GRIK1: variants seen among roughly 807,000 people sequenced by gnomAD.
The protein encoded by GRIK1 is glutamate receptor ionotropic, kainate 1.
In GRIK1, 69 loss-of-function variants were observed where a neutral mutation model predicts 105.7. The ratio of observed to expected loss-of-function variants is 0.65; its 90% confidence interval spans 0.54 to 0.80. The LOEUF (loss-of-function observed/expected upper bound fraction) is 0.80, where lower values mean the gene tolerates loss of function less well. GRIK1 is among the 30% of genes least tolerant of loss of function. The probability of loss-of-function intolerance (pLI) is 0.00; values close to 1 mark genes in which losing one functional copy is unlikely to be tolerated. For missense variants in GRIK1, 1,109 were observed against 1,167.3 expected (o/e 0.95, Z 0.73); for synonymous variants, 438 against 431.3 (o/e 1.02, Z -0.19).
intron 1 of GRIK1, among the ~76,000 whole-genome samples, chr21:29,750,478 A>G (rs2065166114): frequency 6.6e-6 from 1 of 152,124 alleles, no homozygotes; most frequent in South Asian, 2.1e-4. Context: ...TGGAACTACA[A>G]AGATTTGAGA....
chr21:29,863,636 T>C lies in GRIK1; in HGVS notation c.118+75747A>G, dbSNP rs146475809. Among the ~76,000 whole-genome samples, 87 of 152,340 alleles carry C rather than the reference T, an allele frequency of 5.7e-4. 2 individuals carry two copies. In the East Asian group the frequency reaches 0.016, roughly 27 times the overall value. ...ACTTAGAAACCACGGACCTGCTTTT[T>C]CTTGTACTCCTGTCATTCTTCCAAT... On this transcript the variant is annotated intron_variant, in intron 1 of 17. Transcript: ENST00000327783.
chr21:29,778,624 A>G (rs2066008415), intron 1 of GRIK1, among the ~76,000 whole-genome samples: 1 of 152,214 alleles, frequency 6.6e-6, no homozygotes, highest in Admixed American at 6.5e-5. Flanking sequence ...ATGTTTTAAT[A>G]GGGTTTTACT....
chr21:29,887,707 C>A (rs2069686802), intron 1 of GRIK1, among the ~76,000 whole-genome samples: 1 of 152,092 alleles, frequency 6.6e-6, no homozygotes, highest in Non-Finnish European at 1.5e-5. Context: ...TTCCCTCTTC[C>A]TTCCTCAGTG....
At chr21:29,771,191 C>A (rs396331) in intron 1 of GRIK1, among the ~76,000 whole-genome samples, 98,792 of 151,958 alleles carry the variant, frequency 0.65, 33,746 homozygotes, top group Non-Finnish European at 0.74. Context: ...AATGAAAAAC[C>A]ATGTCAACAT....
At chr21:29,725,147 G>A (rs1335725851) in intron 1 of GRIK1, among the ~76,000 whole-genome samples, 1 of 152,084 alleles carries the variant, frequency 6.6e-6, no homozygotes, top group African/African-American at 2.4e-5. Flanking sequence ...AACTGCAAGC[G>A]ATTGCGAACA....
intron 1 of GRIK1, among the ~76,000 whole-genome samples, chr21:29,731,565 T>G (rs1046744113): frequency 6.6e-6 from 1 of 152,178 alleles, no homozygotes; most frequent in African/African-American, 2.4e-5. Flanking sequence ...GGCACAACAG[T>G]TTTGGCACCC....
At chr21:29,720,228 A>ATTATT (rs1158564350) in intron 1 of GRIK1, among the ~76,000 whole-genome samples, 1 of 152,206 alleles carries the variant, frequency 6.6e-6, no homozygotes, top group South Asian at 2.1e-4. Flanking sequence ...TTCTCAGATT[A>ATTATT]TTATTTTATT....
At chr21:29,825,314 T>G (rs1234114420) in intron 1 of GRIK1, among the ~76,000 whole-genome samples, 1 of 152,022 alleles carries the variant, frequency 6.6e-6, no homozygotes, top group South Asian at 2.1e-4. Context: ...CATTATGATA[T>G]TGAGAGTATG....
At chr21:29,751,824 A>G (rs1424203293) in intron 1 of GRIK1, among the ~76,000 whole-genome samples, 1 of 152,182 alleles carries the variant, frequency 6.6e-6, no homozygotes, top group Non-Finnish European at 1.5e-5. Context: ...CATTTGCATT[A>G]TGATTGTTCC....
chr21:29,760,612 G>A (rs576595611), intron 1 of GRIK1: 19 of 152,318 alleles, frequency 1.2e-4, no homozygotes, highest in Admixed American at 3.3e-4. Flanking sequence ...CGTGGTATGC[G>A]AAGATGCCTC....
intron 1 of GRIK1, among the ~76,000 whole-genome samples, chr21:29,752,675 A>T (rs927418519): frequency 3.9e-5 from 6 of 152,174 alleles, no homozygotes; most frequent in African/African-American, 9.6e-5. Flanking sequence ...AAAAAAAATT[A>T]AAAAAATAAA....
intron 1 of GRIK1, among the ~76,000 whole-genome samples, chr21:29,826,752 A>G (rs2067470524): frequency 6.6e-6 from 1 of 152,118 alleles, no homozygotes; most frequent in Non-Finnish European, 1.5e-5. Context: ...GGAGAGAGAG[A>G]GAGAAATTTA....
intron 1 of GRIK1, among the ~76,000 whole-genome samples, chr21:29,768,208 G>A (rs1482885334): frequency 3.3e-5 from 5 of 152,120 alleles, no homozygotes; most frequent in Non-Finnish European, 5.9e-5. Flanking sequence ...AGAGACTTGG[G>A]TGCTAATTCT....
At chr21:29,607,141 T>C (rs934145818) in intron 7 of GRIK1, among the ~76,000 whole-genome samples, 10 of 152,208 alleles carry the variant, frequency 6.6e-5, no homozygotes, top group African/African-American at 2.4e-4. Flanking sequence ...ATTGTGAACC[T>C]GGCACTTCGT....
chr21:29,826,701 AAT>A (rs1275703086), intron 1 of GRIK1, among the ~76,000 whole-genome samples: 1 of 151,936 alleles, frequency 6.6e-6, no homozygotes, highest in African/African-American at 2.4e-5. Context: ...AACGTATATA[AAT>A]ATATATACAC....
intron 1 of GRIK1, among the ~76,000 whole-genome samples, chr21:29,743,902 G>T (rs1040910382): frequency 6.6e-6 from 1 of 152,046 alleles, no homozygotes; most frequent in African/African-American, 2.4e-5. Flanking sequence ...AATTCTTGAG[G>T]AATAACACAC....
chr21:29,858,625 A>G (rs2068538299), intron 1 of GRIK1, among the ~76,000 whole-genome samples: 1 of 152,176 alleles, frequency 6.6e-6, no homozygotes, highest in South Asian at 2.1e-4. Context: ...CAATTGCATG[A>G]AAGTCTTCAG....
chr21:29,857,782 G>T (rs566483555), intron 1 of GRIK1, among the ~76,000 whole-genome samples: 3 of 152,054 alleles, frequency 2.0e-5, no homozygotes, highest in Non-Finnish European at 4.4e-5. Flanking sequence ...ATCTAACTTG[G>T]CCATTACTGG....
chr21:29,786,665 A>G (rs1447517077), intron 1 of GRIK1, among the ~76,000 whole-genome samples: 3 of 152,212 alleles, frequency 2.0e-5, no homozygotes, highest in Non-Finnish European at 4.4e-5. Flanking sequence ...CTGTGAAACC[A>G]GAAAGTCTTG....
Sources: gnomAD v4.1 joint callset for allele counts (sites outside exome capture counted in the v4.1 genomes callset) on GRCh38, gnomAD v4.1.1 for gene constraint, MANE v1.5 for transcripts, NCBI Gene and HGNC (gene_info 2026-07-23, HGNC 2026-07-21) for gene names.